The following MGAT4C variants were observed in gnomAD, a reference collection of about 807,000 sequenced individuals.
MGAT4C encodes alpha-1,3-mannosyl-glycoprotein 4-beta-N-acetylglucosaminyltransferase C.
A neutral mutation model predicts 40.1 loss-of-function variants in MGAT4C; 19 were observed. The observed-to-expected ratio is 0.47, with a 90% CI of 0.33 to 0.70. MGAT4C has a LOEUF of 0.70. Ranked by LOEUF, MGAT4C falls within the 30% of genes least tolerant of loss-of-function variation. MGAT4C has a pLI of 0.02. For missense variants in MGAT4C, 491 were observed against 563.2 expected, an observed-to-expected ratio of 0.87 and a Z score of 1.30; for synonymous variants, 181 against 187.1, an observed-to-expected ratio of 0.97 and a Z score of 0.27.
chr12:86,668,104 T>C (rs1360070628), intron 2 of MGAT4C, among the ~76,000 whole-genome samples: 1 of 152,248 alleles, frequency 6.6e-6, no homozygotes, highest in East Asian at 1.9e-4. Flanking sequence ...TATATCTTTG[T>C]ATCATGATCC....
At chr12:86,406,809 G>A (rs573547113) in intron 3 of MGAT4C, among the ~76,000 whole-genome samples, 5 of 152,050 alleles carry the variant, frequency 3.3e-5, no homozygotes, top group East Asian at 3.9e-4. Context: ...CACTCAACAC[G>A]CATACTTCTG....
chr12:86,472,663 G>T (rs1220178132), intron 2 of MGAT4C, among the ~76,000 whole-genome samples: 3 of 151,942 alleles, frequency 2.0e-5, no homozygotes, highest in African/African-American at 7.3e-5. Flanking sequence ...ATTTATTCTG[G>T]AGGAGAGGGA....
chr12:86,561,088 G>A (rs929522835), intron 2 of MGAT4C, among the ~76,000 whole-genome samples: 12 of 152,138 alleles, frequency 7.9e-5, no homozygotes, highest in Non-Finnish European at 4.4e-5. Context: ...AACCAAGGAG[G>A]TGAAAGAAAT....
intron 2 of MGAT4C, among the ~76,000 whole-genome samples, chr12:86,533,868 G>A (rs1269787761): frequency 1.3e-5 from 2 of 151,596 alleles, no homozygotes; most frequent in Admixed American, 1.3e-4. Context: ...TGGAATTCAG[G>A]CACAACTGAC....
At chr12:86,005,628 A>T (rs1171537101) in intron 2 of MGAT4C, among the ~76,000 whole-genome samples, 1 of 152,192 alleles carries the variant, frequency 6.6e-6, no homozygotes, top group Non-Finnish European at 1.5e-5. Context: ...TCAAGAAGAC[A>T]GGAATTCATT....
chr12:86,475,668 G>A (rs886475772), intron 2 of MGAT4C, among the ~76,000 whole-genome samples: 1 of 151,810 alleles, frequency 6.6e-6, no homozygotes, highest in African/African-American at 2.4e-5. Context: ...AGGGTATATT[G>A]TTCAATGTCA....
In MGAT4C at chr12:86,714,324, T is replaced by C. The variant is rs554464983; in HGVS notation, c.-229+12885A>G. 4.6e-5 allele frequency among the ~76,000 whole-genome samples: 7 copies of C among 152,260 alleles called. No homozygotes were observed. The South Asian group carries it at 6.2e-4, about 14-fold the overall frequency. On this transcript the variant is annotated intron_variant, in intron 2 of 7. Coordinates refer to the MGAT4C transcript ENST00000548651. ...GTTATGTTCTCAGTGTCTACCTCAG[T>C]ATTTGACATGTGGTTAATTTACAGT...
intron 4 of MGAT4C, among the ~76,000 whole-genome samples, chr12:86,272,511 T>A (rs942465045): frequency 6.6e-6 from 1 of 152,218 alleles, no homozygotes; most frequent in Non-Finnish European, 1.5e-5. Context: ...AGAGAGATTT[T>A]TTTTTTCTAA....
intron 1 of MGAT4C, among the ~76,000 whole-genome samples, chr12:86,210,333 C>A (rs887912180): frequency 1.3e-5 from 2 of 152,210 alleles, no homozygotes; most frequent in Admixed American, 6.5e-5. Flanking sequence ...TTGTTTCAGA[C>A]AATAATGTCT....
At chr12:86,177,215 G>A (rs992704130) in intron 1 of MGAT4C, among the ~76,000 whole-genome samples, 3 of 152,098 alleles carry the variant, frequency 2.0e-5, no homozygotes, top group African/African-American at 7.2e-5. Flanking sequence ...CAAGTGAAAT[G>A]AAAAGCAATT....
chr12:86,242,113 G>C (rs1409513238), intron 1 of MGAT4C, among the ~76,000 whole-genome samples: 2 of 152,148 alleles, frequency 1.3e-5, no homozygotes, highest in African/African-American at 4.8e-5. Context: ...TGAGGTTCTA[G>C]GAAAATATTT....
intron 2 of MGAT4C, among the ~76,000 whole-genome samples, chr12:86,642,213 T>G (rs761201431): frequency 6.6e-6 from 1 of 151,840 alleles, no homozygotes; most frequent in Non-Finnish European, 1.5e-5. Flanking sequence ...AAAACACATT[T>G]GTTCAACCTA....
At chr12:86,331,674 C>T (rs1300352744) in intron 4 of MGAT4C, among the ~76,000 whole-genome samples, 2 of 152,122 alleles carry the variant, frequency 1.3e-5, no homozygotes, top group African/African-American at 2.4e-5. Flanking sequence ...CTGATCGTCT[C>T]CTGGCATTCC....
At chr12:86,635,883 T>A (rs1963205495) in intron 2 of MGAT4C, among the ~76,000 whole-genome samples, 1 of 151,610 alleles carries the variant, frequency 6.6e-6, no homozygotes, top group East Asian at 2.0e-4. Flanking sequence ...GAGTTTCCAC[T>A]CTTTCCAAGG....
chr12:86,203,709 G>A (rs1950136404), intron 1 of MGAT4C, among the ~76,000 whole-genome samples: 1 of 152,162 alleles, frequency 6.6e-6, no homozygotes, highest in South Asian at 2.1e-4. Flanking sequence ...TGTAATCCCA[G>A]CACTTTGGGA....
At chr12:86,034,462 G>T (rs1054499564) in intron 2 of MGAT4C, among the ~76,000 whole-genome samples, 1 of 148,678 alleles carries the variant, frequency 6.7e-6, no homozygotes, top group Non-Finnish European at 1.5e-5. Flanking sequence ...CTTTCTTTCT[G>T]GTTCAATTTG....
intron 2 of MGAT4C, among the ~76,000 whole-genome samples, chr12:86,550,531 G>C (rs1959299545): frequency 6.6e-6 from 1 of 152,190 alleles, no homozygotes; most frequent in Admixed American, 6.5e-5. Flanking sequence ...TCTGGAGTGT[G>C]CCCTGCTTTG....
intron 2 of MGAT4C, among the ~76,000 whole-genome samples, chr12:86,449,060 T>C (rs1200291568): frequency 6.6e-6 from 1 of 152,170 alleles, no homozygotes; most frequent in African/African-American, 2.4e-5. Context: ...ATTGTAGATG[T>C]AGCAAGAAAA....
At chr12:86,413,109 T>G (rs1345104183) in intron 3 of MGAT4C, among the ~76,000 whole-genome samples, 1 of 152,114 alleles carries the variant, frequency 6.6e-6, no homozygotes, top group African/African-American at 2.4e-5. Flanking sequence ...CAAAATTTTA[T>G]GTTAAATTGT....
Sources: gnomAD v4.1 joint callset for allele counts (sites outside exome capture counted in the v4.1 genomes callset) on GRCh38, gnomAD v4.1.1 for gene constraint, MANE v1.5 for transcripts, NCBI Gene and HGNC (gene_info 2026-07-23, HGNC 2026-07-21) for gene names.